Variants in RSPH14 observed in about 807,000 individuals in gnomAD.
RSPH14 encodes the protein radial spoke head 14 homolog.
In RSPH14, 20 loss-of-function variants were observed where a neutral mutation model predicts 26.7. That is an observed-to-expected ratio of 0.75 (90% CI 0.53 to 1.09). RSPH14 has a LOEUF of 1.09. RSPH14 is among the 50% of genes least tolerant of loss of function. The pLI is 0.00. For synonymous variants in RSPH14, 177 were observed against 189.3 expected, an observed-to-expected ratio of 0.93 and a Z score of 0.53; for missense variants, 449 against 457.2, an observed-to-expected ratio of 0.98 and a Z score of 0.16.
At chr22:23,123,051 C>T (rs201143217) in intron 4 of RSPH14, 71 of 1,392,670 alleles carry the variant, frequency 5.1e-5, no homozygotes, top group Admixed American at 2.5e-4. Context: ...CTGCCTGCTG[C>T]GGGCCTGATT....
intron 4 of RSPH14, among the ~76,000 whole-genome samples, chr22:23,111,350 G>A (rs2069652961): frequency 6.6e-6 from 1 of 152,246 alleles, no homozygotes. Context: ...CCAGGCCAGG[G>A]GAGAGAGGCA....
At chr22:23,121,220 C>T (rs939330696) in intron 4 of RSPH14, among the ~76,000 whole-genome samples, 3 of 152,212 alleles carry the variant, frequency 2.0e-5, no homozygotes, top group African/African-American at 7.2e-5. Context: ...CCTCAGGACT[C>T]CTGTTATTCC....
Position 23,098,983 on chromosome 22 carries a change from G to C in RSPH14, c.422-34850C>G, listed in dbSNP as rs560640368. 3.2e-4 allele frequency among the ~76,000 whole-genome samples: 49 copies of C among 152,312 alleles called. No homozygotes were observed. In the South Asian group the frequency reaches 3.9e-3, roughly 12 times the overall value. On this transcript the variant is annotated intron_variant, in intron 4 of 6. Transcript: ENST00000216036. ...TCAAAGGCAAGGCAGCCAAGAACAG[G>C]CCATGCTCGTTTTCACAAAAGCCGA... is the stretch of plus-strand genomic sequence containing the variant.
intron 4 of RSPH14, among the ~76,000 whole-genome samples, chr22:23,102,485 G>A (rs965347211): frequency 3.3e-5 from 5 of 152,230 alleles, no homozygotes; most frequent in Non-Finnish European, 5.9e-5. Flanking sequence ...CCAAGGGTGG[G>A]GCCATTTCTT....
At chr22:23,159,497 C>T in the RSPH14 span, among the ~76,000 whole-genome samples, 1 of 152,250 alleles carries the variant, frequency 6.6e-6, no homozygotes, top group Non-Finnish European at 1.5e-5. Context: ...AATAGTGACC[C>T]CAACCCTGTG....
chr22:23,149,023 C>T (rs1312877383), upstream of RSPH14, among the ~76,000 whole-genome samples: 1 of 152,192 alleles, frequency 6.6e-6, no homozygotes, highest in East Asian at 1.9e-4. Flanking sequence ...CTGTAACTTG[C>T]CCTTTGCCAG....
the RSPH14 span, chr22:23,162,656 C>A: frequency 2.2e-6 from 1 of 456,204 alleles, no homozygotes; most frequent in East Asian, 6.9e-5. Context: ...TGCTATGAAC[C>A]AGCCCCACAG....
At chr22:23,115,951 G>A (rs998714977) in intron 4 of RSPH14, among the ~76,000 whole-genome samples, 1 of 152,238 alleles carries the variant, frequency 6.6e-6, no homozygotes, top group Non-Finnish European at 1.5e-5. Flanking sequence ...ACAAGGCAGT[G>A]CGGTTGGCTG....
rs550123616 is a variant in RSPH14 at position 23,117,356 on chromosome 22, G to A, written c.421+16670C>T. ...CATCACATCGGCCATTGCATCTCCA[G>A]GCTAAGGGGCCACAGGAGCCTCCCA... On this transcript the variant is annotated intron_variant, in intron 4 of 6. Coordinates refer to ENST00000216036, the MANE Select transcript of RSPH14 (RefSeq NM_014433.3). 2.0e-4 allele frequency among the ~76,000 whole-genome samples: 31 copies of A among 152,358 alleles called. No homozygotes were observed. In the East Asian group the frequency reaches 5.6e-3, roughly 27 times the overall value.
At chr22:23,138,754 GAGCACTCTAAGC>G in intron 3 of RSPH14, 74 bp downstream of exon 3, 1 of 1,092,200 alleles carries the variant, frequency 9.2e-7, no homozygotes, top group African/African-American at 1.6e-5. Flanking sequence ...CAACACTCCA[GAGCACTCTAAGC>G]AGCTCAAGTG....
chr22:23,163,616 C>G, the RSPH14 span: 2 of 149,060 alleles, frequency 1.3e-5, no homozygotes, highest in East Asian at 1.9e-4. Flanking sequence ...GCCCCCCCCC[C>G]GCCACATTAG....
In RSPH14 at chr22:23,124,435, G is replaced by C. The variant is rs1265928204; in HGVS notation, c.421+9591C>G. 8 of 469,376 alleles carry C rather than the reference G, an allele frequency of 1.7e-5. No homozygotes were observed. In the East Asian group the frequency reaches 2.1e-4, roughly 12 times the overall value. 29.1% of individuals were successfully genotyped at this position (469,376 alleles called of 1,614,324 possible). Reference sequence around the variant, plus strand: ...TGGAGTGAGTGGCAGTCCTGCGCCAGCCTCGCGGGACACGTGTTGTACATA... The same window carrying C: ...TGGAGTGAGTGGCAGTCCTGCGCCACCCTCGCGGGACACGTGTTGTACATA... On this transcript the variant is annotated intron_variant, in intron 4 of 6. Coordinates refer to ENST00000216036, the MANE Select transcript of RSPH14 (RefSeq NM_014433.3).
At chr22:23,111,074 G>C (rs535839849) in intron 4 of RSPH14, among the ~76,000 whole-genome samples, 46 of 152,288 alleles carry the variant, frequency 3.0e-4, no homozygotes, top group Middle Eastern at 6.8e-3. Context: ...TCATTTGCTG[G>C]GGGGCCTGCG....
At chr22:23,064,591 C>T (rs1200125398) in intron 4 of RSPH14, among the ~76,000 whole-genome samples, 2 of 152,184 alleles carry the variant, frequency 1.3e-5, no homozygotes, top group East Asian at 3.9e-4. Context: ...CTGCTGGAGA[C>T]CCCACACTGG....
chr22:23,152,982 G>A, the RSPH14 span: 18 of 1,307,802 alleles, frequency 1.4e-5, no homozygotes, highest in South Asian at 7.1e-5. Context: ...TGAAGCTTCC[G>A]GGCACATTTC....
At position 23,134,107 on chromosome 22, in the gene RSPH14, A is replaced by T. The variant is rs1213002058; in HGVS notation, c.340T>A (p.Ser114Thr). 1 of 1,613,464 alleles carries T rather than the reference A, an allele frequency of 6.2e-7. No individual in the cohort carries two copies. Among genetic ancestry groups the T allele is most frequent in the African/African-American group, 1.3e-5 (1 of 75,012 alleles). ...FLEHDIVLAL[S>T]FLLNDPSPVC... The stretch of plus-strand genomic sequence containing the variant: ...GGGCTGGGGTCATTCAGCAGGAAGG[A>T]CAGGGCAAGGACGATGTCGTGCTCT... Residue 114 changes from serine (S) to threonine (T), a missense_variant, in exon 4 of 7, where the codon TCC becomes ACC. By Grantham distance (58) the Ser-to-Thr change is moderately conservative. Transcript: ENST00000216036.
At chr22:23,097,333 T>G (rs1020382612) in intron 4 of RSPH14, among the ~76,000 whole-genome samples, 11 of 152,302 alleles carry the variant, frequency 7.2e-5, no homozygotes, top group African/African-American at 2.6e-4. Context: ...GCTTTATTCT[T>G]TAGGTTCAGC....
At chr22:23,162,914 C>CT in the RSPH14 span, 130,361 of 300,092 alleles carry the variant, frequency 0.43, 18,651 homozygotes, top group East Asian at 0.54. Flanking sequence ...ATATAAATGA[C>CT]TTTTTTTTTT....
intron 4 of RSPH14, among the ~76,000 whole-genome samples, chr22:23,113,566 C>T (rs1026714395): frequency 6.6e-5 from 10 of 152,262 alleles, no homozygotes; most frequent in African/African-American, 2.4e-4. Flanking sequence ...AAGCTATTTC[C>T]TTTGCGACTG....
Sources: allele counts gnomAD v4.1 joint callset (sites outside exome capture counted in the v4.1 genomes callset), GRCh38; gene constraint gnomAD v4.1.1; transcripts MANE v1.5; gene names NCBI Gene and HGNC (gene_info 2026-07-23, HGNC 2026-07-21).